The following BIVM variants were observed in gnomAD, a reference collection of about 807,000 sequenced individuals.
BIVM encodes the protein basic immunoglobulin-like variable motif-containing protein.
In BIVM, 31 loss-of-function variants were observed where a neutral mutation model predicts 61.4. That is an observed-to-expected ratio of 0.51 (90% confidence interval 0.38 to 0.68). The LOEUF (loss-of-function observed/expected upper bound fraction) is 0.68. Ranked by LOEUF, BIVM falls within the 30% of genes least tolerant of loss-of-function variation. The probability of loss-of-function intolerance (pLI) is 0.00; values close to 1 mark genes in which losing one functional copy is unlikely to be tolerated. For missense variants in BIVM, 526 were observed against 596.0 expected, an observed-to-expected ratio of 0.88 and a Z score of 1.22; for synonymous variants, 189 against 210.7, an observed-to-expected ratio of 0.90 and a Z score of 0.89.
chr13:102,822,119 A>G lies in BIVM; in HGVS notation c.861A>G (p.Leu287=). ...HFHVKGCSYV[L]YKPHGKNKTA... is the part of the protein sequence containing the mutation. ...ATGTAAAAGGATGCTCTTATGTTCT[A>G]TATAAGCCTCATGGGAAGAATAAAA... Residue 287 remains leucine (L), a synonymous_variant, in exon 7 of 11, where the codon CTA becomes CTG. Transcript: ENST00000257336. 1 of 1,614,022 alleles carries G rather than the reference A, an allele frequency of 6.2e-7. No individual in the cohort carries two copies. Among genetic ancestry groups the G allele is most frequent in the South Asian group, 1.1e-5 (1 of 91,064 alleles).
At chr13:102,808,380 G>T (rs565408718) in intron 3 of BIVM, among the ~76,000 whole-genome samples, 1 of 152,300 alleles carries the variant, frequency 6.6e-6, no homozygotes, top group African/African-American at 2.4e-5. Flanking sequence ...TGTAGGTGAA[G>T]AAATTGAGGC....
chr13:102,837,969 G>A (rs1004876441), intron 9 of BIVM, among the ~76,000 whole-genome samples: 1 of 151,826 alleles, frequency 6.6e-6, no homozygotes. Flanking sequence ...TTGGATGATG[G>A]GTGCACTAAA....
Position 102,834,565 on chromosome 13 carries a change from C to A in BIVM, c.1121+13C>A. ...TTCACTGTAAAAAGTATGTTAACTT[C>A]CCTTTATTTTCTTTAATTGAGGTAA... On this transcript the variant is annotated intron_variant, in intron 9 of 10. Coordinates refer to ENST00000257336, the MANE Select transcript of BIVM (RefSeq NM_017693.4). 1 of 1,565,312 alleles carries A rather than the reference C, an allele frequency of 6.4e-7. No homozygotes were observed. The highest frequency in any genetic ancestry group is 8.6e-7 in the Non-Finnish European group (1 of 1,163,484).
chr13:102,806,939 T>G (rs1419828001), intron 2 of BIVM, among the ~76,000 whole-genome samples: 1 of 152,212 alleles, frequency 6.6e-6, no homozygotes, highest in Non-Finnish European at 1.5e-5. Flanking sequence ...CTATTTGCTT[T>G]TTAATTATTT....
chr13:102,839,399 A>G (rs1881690106), intron 10 of BIVM, among the ~76,000 whole-genome samples, 173 bp from the exon 11 acceptor site: 1 of 152,136 alleles, frequency 6.6e-6, no homozygotes, highest in African/African-American at 2.4e-5. Context: ...TATATTTTGT[A>G]AAGGCAGCTG....
intron 9 of BIVM, among the ~76,000 whole-genome samples, chr13:102,835,371 A>G (rs1365973575): frequency 2.6e-5 from 4 of 152,152 alleles, no homozygotes; most frequent in Non-Finnish European, 5.9e-5. Context: ...AGATTTTATT[A>G]TAGTTACAGG....
chr13:102,805,299 C>T lies in BIVM; in HGVS notation c.-206-8C>T, dbSNP rs112430445. 2.0e-5 allele frequency: 3 copies of T among 152,310 alleles called. No individual in the cohort carries two copies. Among genetic ancestry groups the T allele is most frequent in the African/African-American group, 7.2e-5 (3 of 41,562 alleles). The allele number at this position is 152,310 out of a possible 1,614,324, so 9.4% of individuals were successfully genotyped here. A position where few individuals can be genotyped will look rare whatever the true frequency, so the allele number is the denominator to read the frequency against. On this transcript the variant is annotated splice_polypyrimidine_tract_variant and splice_region_variant and intron_variant, in intron 1 of 10. Coordinates refer to ENST00000257336, the MANE Select transcript of BIVM (RefSeq NM_017693.4). Reference sequence around the variant, plus strand: ...TGCTATTTAAGCTTTCTGTTTTCTTCCCTAAAGGAATCAGTTTAGACTTGA... The same window carrying T: ...TGCTATTTAAGCTTTCTGTTTTCTTTCCTAAAGGAATCAGTTTAGACTTGA...
intron 4 of BIVM, chr13:102,816,801 T>C (rs556804607): frequency 8.9e-6 from 2 of 224,102 alleles, no homozygotes; most frequent in South Asian, 1.7e-4. Context: ...GTAACTGCCA[T>C]GTAGATTTAA....
intron 3 of BIVM, among the ~76,000 whole-genome samples, chr13:102,808,196 C>T (rs1335872367): frequency 1.3e-5 from 2 of 152,120 alleles, no homozygotes; most frequent in African/African-American, 4.8e-5. Flanking sequence ...CTCCATGTAC[C>T]ACCAAGTGGG....
At chr13:102,814,934 C>T (rs1347966568) in intron 3 of BIVM, among the ~76,000 whole-genome samples, 1 of 152,032 alleles carries the variant, frequency 6.6e-6, no homozygotes, top group East Asian at 1.9e-4. Context: ...GTCCCAGGTA[C>T]TCCTGAGGCT....
chr13:102,834,517 A>G lies in BIVM; in HGVS notation c.1086A>G (p.Glu362=). The part of the protein sequence containing the change: ...QEVEYWILIG[E]SSRKHPAIHC... ...TTGAATATTGGATCTTAATTGGAGA[A>G]TCAAGTAGAAAACATCCTGCCATTC... The change falls in exon 9 of 11, where the codon GAA becomes GAG. Residue 362 remains glutamate, a synonymous_variant. Transcript: ENST00000257336. 3 of 1,592,182 alleles carry G rather than the reference A, an allele frequency of 1.9e-6. No homozygotes were observed. The African/African-American group carries it at 4.1e-5, about 22-fold the overall frequency.
chr13:102,820,094 G>A (rs1425555118), intron 4 of BIVM, among the ~76,000 whole-genome samples: 1 of 152,096 alleles, frequency 6.6e-6, no homozygotes, highest in Non-Finnish European at 1.5e-5. Context: ...AGTGGCTCAC[G>A]TCTGTAATCC....
intron 8 of BIVM, among the ~76,000 whole-genome samples, chr13:102,833,359 GC>G (rs1485135388): frequency 2.6e-5 from 1 of 38,614 alleles, no homozygotes; most frequent in Non-Finnish European, 8.0e-5. Context: ...ACAAGGCCTT[GC>G]TGTGTTGCCC....
chr13:102,802,432 G>T (rs1172011560), intron 1 of BIVM, among the ~76,000 whole-genome samples: 2 of 152,144 alleles, frequency 1.3e-5, no homozygotes, highest in African/African-American at 2.4e-5. Flanking sequence ...CAGTGTTTGG[G>T]TCGTGGGATT....
At chr13:102,828,182 C>T (rs932661268) in intron 7 of BIVM, among the ~76,000 whole-genome samples, 1 of 152,054 alleles carries the variant, frequency 6.6e-6, no homozygotes, top group Admixed American at 6.5e-5. Flanking sequence ...TAAGACTTAG[C>T]TGTTAATATC....
Position 102,839,969 on chromosome 13 carries a change from G to A in BIVM, c.*104G>A. 2 of 1,226,314 alleles carry A rather than the reference G, an allele frequency of 1.6e-6. No individual in the cohort carries two copies. 76.0% of individuals were successfully genotyped at this position (1,226,314 alleles called of 1,614,324 possible). On this transcript the variant is annotated 3_prime_UTR_variant, in exon 11 of 11. Transcript: ENST00000257336. ...AGTAAGCCTACATTAAATAGGAGCA[G>A]ATCTTGTGGTATAAAAAATAACCTT... is the stretch of plus-strand genomic sequence containing the variant.
chr13:102,811,623 A>C (rs2139167492), intron 3 of BIVM, among the ~76,000 whole-genome samples: 1 of 152,366 alleles, frequency 6.6e-6, no homozygotes, highest in Non-Finnish European at 1.5e-5. Flanking sequence ...TTCTGGGTTC[A>C]AGCAATTCTC....
intron 7 of BIVM, among the ~76,000 whole-genome samples, chr13:102,825,461 G>A (rs985381713): frequency 6.6e-6 from 1 of 152,094 alleles, no homozygotes; most frequent in Non-Finnish European, 1.5e-5. Flanking sequence ...TTCAACACAG[G>A]CTGCAGTCTG....
intron 10 of BIVM, 85 bp from the exon 11 acceptor site, chr13:102,839,487 A>AT: frequency 6.6e-7 from 1 of 1,524,050 alleles, no homozygotes; most frequent in Non-Finnish European, 8.8e-7. Flanking sequence ...AAGTAAAAAA[A>AT]GAAAGAAGGG....
Sources: gnomAD v4.1 joint callset for allele counts (sites outside exome capture counted in the v4.1 genomes callset) on GRCh38, gnomAD v4.1.1 for gene constraint, MANE v1.5 for transcripts, NCBI Gene and HGNC (gene_info 2026-07-23, HGNC 2026-07-21) for gene names.